The following GGT1 variants were observed in gnomAD, a reference collection of about 807,000 sequenced individuals.
The protein encoded by GGT1 is gamma-glutamyltransferase 1, also known as glutathione hydrolase 1 proenzyme.
GGT1 carries 21 observed loss-of-function variants against 56.0 expected under a neutral mutation model. The observed-to-expected ratio is 0.38, with a 90% CI of 0.27 to 0.54. The LOEUF is 0.54. Among genes scored for constraint, GGT1 ranks in the 20% least tolerant of loss-of-function variants. The pLI is 0.82. For synonymous variants in GGT1, 238 were observed against 342.6 expected (o/e 0.69, Z 3.37); for missense variants, 466 against 787.0 (o/e 0.59, Z 4.88).
chr22:24,587,226 C>G, the GGT1 span, among the ~76,000 whole-genome samples: 1 of 152,142 alleles, frequency 6.6e-6, no homozygotes, highest in African/African-American at 2.4e-5. Context: ...TAGAGAGGGA[C>G]AGGCCCACAG....
At chr22:24,585,889 C>G in the GGT1 span, 1 of 1,581,624 alleles carries the variant, frequency 6.3e-7, no homozygotes, top group Non-Finnish European at 8.6e-7. Flanking sequence ...TGGTGGGTCA[C>G]CTGGCACAGC....
chr22:24,606,137 ATT>A (rs2046310871), intron 1 of GGT1, among the ~76,000 whole-genome samples: 1 of 133,920 alleles, frequency 7.5e-6, no homozygotes, highest in Non-Finnish European at 1.5e-5. Context: ...TATATATAGT[ATT>A]ATATATATAA....
At chr22:24,607,204 G>C (rs889393662) in intron 1 of GGT1, among the ~76,000 whole-genome samples, 80 of 152,100 alleles carry the variant, frequency 5.3e-4, no homozygotes, top group African/African-American at 1.9e-3. Flanking sequence ...TGGATGGGCA[G>C]CAGAACCAGT....
At chr22:24,602,322 C>CTG (rs2045797017), upstream of GGT1, among the ~76,000 whole-genome samples, 1 of 152,346 alleles carries the variant, frequency 6.6e-6, no homozygotes, top group South Asian at 2.1e-4. Flanking sequence ...GGTGACCATA[C>CTG]TCTCATGCCC....
chr22:24,625,325 G>A (rs1229407784), intron 11 of GGT1, among the ~76,000 whole-genome samples: 3 of 152,198 alleles, frequency 2.0e-5, no homozygotes, highest in African/African-American at 4.8e-5. Flanking sequence ...CCAGGTTGGA[G>A]TGCAGTGGTG....
At chr22:24,593,799 AAG>A (rs1218286053), upstream of GGT1, among the ~76,000 whole-genome samples, 1 of 151,680 alleles carries the variant, frequency 6.6e-6, no homozygotes, top group Non-Finnish European at 1.5e-5. Context: ...AAAAAAAAAA[AAG>A]AAAAGAAAAG....
At chr22:24,599,364 C>CAAAAAA (rs796490845), upstream of GGT1, 1 of 94,472 alleles carries the variant, frequency 1.1e-5, no homozygotes, top group Non-Finnish European at 2.3e-5. Flanking sequence ...TGCCCCACTC[C>CAAAAAA]AAAAAAAAAA....
In GGT1 at chr22:24,606,920, A is replaced by G. The variant is rs551799043; in HGVS notation, c.-428-1034A>G. Among the ~76,000 whole-genome samples the G allele has an allele frequency of 1.8e-4, 28 of 151,442 alleles. No individual in the cohort carries two copies. In the South Asian group the frequency reaches 3.8e-3, roughly 21 times the overall value. ...AGGCCCAGGAGCAGGGGAGGGAGCC[A>G]TGACTCAGGGAGACTCTGGCCCATA... On this transcript the variant is annotated intron_variant, in intron 1 of 15. Coordinates refer to ENST00000400382, the MANE Select transcript of GGT1 (RefSeq NM_001288833.2).
chr22:24,594,093 C>G (rs1417062055), upstream of GGT1, among the ~76,000 whole-genome samples: 1 of 152,194 alleles, frequency 6.6e-6, no homozygotes, highest in Non-Finnish European at 1.5e-5. Context: ...CCTGGCTCCT[C>G]TGAGGACCAG....
upstream of GGT1, among the ~76,000 whole-genome samples, chr22:24,601,194 C>A (rs9624505): frequency 0.025 from 3,646 of 147,662 alleles, 154 homozygotes; most frequent in African/African-American, 0.083. Flanking sequence ...GGCCAGGCAC[C>A]GCTTGCATCT....
chr22:24,606,201 A>G (rs1696304134), intron 1 of GGT1, among the ~76,000 whole-genome samples: 1 of 147,038 alleles, frequency 6.8e-6, no homozygotes, highest in Admixed American at 7.2e-5. Context: ...GGTTTGTTAC[A>G]TATGTATACA....
chr22:24,586,028 T>C, the GGT1 span: 1 of 1,611,132 alleles, frequency 6.2e-7, no homozygotes, highest in South Asian at 1.1e-5. Context: ...TGAGGTGCGC[T>C]GGCTCAGCCG....
chr22:24,589,597 C>T, the GGT1 span: 1 of 580,668 alleles, frequency 1.7e-6, no homozygotes, highest in South Asian at 2.6e-5. Context: ...ATGGGTCTGC[C>T]CAGGACTCTG....
chr22:24,623,263 G>C lies in GGT1; in HGVS notation c.883+7G>C. The C allele has an allele frequency of 6.4e-7, 1 of 1,562,380 alleles. No individual in the cohort carries two copies. ...ATCCTCAACATCCTCAAAGGTGAGT[G>C]GTCGCACCACAGCCGTGTGGTAGGA... On this transcript the variant is annotated splice_region_variant and intron_variant, in intron 10 of 15. Transcript: ENST00000400382.
chr22:24,592,854 T>G, upstream of GGT1: 2 of 1,272,470 alleles, frequency 1.6e-6, no homozygotes, highest in Non-Finnish European at 2.0e-6. Context: ...GGACGGCTCC[T>G]TCTCTCGCCT....
At chr22:24,612,149 A>G (rs536499726) in intron 5 of GGT1, among the ~76,000 whole-genome samples, 6 of 151,492 alleles carry the variant, frequency 4.0e-5, no homozygotes, top group African/African-American at 1.2e-4. Flanking sequence ...CATGTTGGTC[A>G]GGCTGGTCTT....
upstream of GGT1, among the ~76,000 whole-genome samples, chr22:24,594,166 G>A (rs2045648001): frequency 6.6e-6 from 1 of 152,182 alleles, no homozygotes; most frequent in Non-Finnish European, 1.5e-5. Context: ...CTCAGCAGAA[G>A]CCTAGGTCTC....
upstream of GGT1, chr22:24,598,259 G>A (rs1331083101): frequency 6.6e-6 from 1 of 151,988 alleles, no homozygotes; most frequent in Non-Finnish European, 1.5e-5. Context: ...CCAACATGGT[G>A]AAACTCCATC....
At chr22:24,586,552 A>C in the GGT1 span, 1 of 999,130 alleles carries the variant, frequency 1.0e-6, no homozygotes, top group Non-Finnish European at 1.5e-6. Flanking sequence ...ATTTTTTGAG[A>C]CAAAGTTTCG....
Sources: gnomAD v4.1 joint callset for allele counts (sites outside exome capture counted in the v4.1 genomes callset) on GRCh38, gnomAD v4.1.1 for gene constraint, MANE v1.5 for transcripts, NCBI Gene and HGNC (gene_info 2026-07-23, HGNC 2026-07-21) for gene names.